SLITRK5: variants seen among roughly 807,000 people sequenced by gnomAD.
SLITRK5 encodes the protein SLIT and NTRK like family member 5.
In SLITRK5, 23 loss-of-function variants were observed where a neutral mutation model predicts 56.2. The observed-to-expected ratio is 0.41, with a 90% confidence interval of 0.29 to 0.58. The LOEUF (loss-of-function observed/expected upper bound fraction) is 0.58, where lower values mean the gene tolerates loss of function less well. Ranked by LOEUF, SLITRK5 falls within the 20% of genes least tolerant of loss-of-function variation. The pLI is 0.30. For synonymous variants in SLITRK5, 637 were observed against 531.8 expected, an observed-to-expected ratio of 1.20 and a Z score of -2.72; for missense variants, 1,289 against 1,226.6, an observed-to-expected ratio of 1.05 and a Z score of -0.76.
rs1877327318 is a variant in SLITRK5 at position 87,677,392 on chromosome 13, C to T, written c.2004C>T (p.Leu668=). 4 of 1,613,942 alleles carry T rather than the reference C, an allele frequency of 2.5e-6. No homozygotes were observed. The East Asian group carries it at 6.7e-5, about 27-fold the overall frequency. Residue 668 remains leucine, a synonymous_variant, in exon 2 of 2, where the codon CTC becomes CTT. Coordinates refer to ENST00000683689, the MANE Select transcript of SLITRK5 (RefSeq NM_001384609.1). This position sits in a 1 kb window ranked among gnomAD's most constrained non-coding sequence, Gnocchi z 4.7. The stretch of plus-strand genomic sequence containing the variant: ...CGGTGCCCTTGTCTGTGTTAATTCT[C>T]AGCCTCCTGCTGGTTTTCATCATGT... The part of the protein sequence containing the change: ...ASSVPLSVLI[L]SLLLVFIMSV...
chr13:87,674,043 C>G (rs1376468851), intron 1 of SLITRK5, among the ~76,000 whole-genome samples: 3 of 151,736 alleles, frequency 2.0e-5, no homozygotes, highest in Admixed American at 1.3e-4. Flanking sequence ...CACACACACG[C>G]TCATTCCATT....
chr13:87,678,055 C>G lies in SLITRK5; in HGVS notation c.2667C>G (p.Phe889Leu), dbSNP rs777163946. ...KFPCSPAAYTFSPNYDLRRPH... is the reference protein window; with the variant it reads ...KFPCSPAAYTLSPNYDLRRPH... ...CGTGCAGCCCCGCTGCTTACACTTT[C>G]TCCCCCAACTATGACCTGAGACGCC... Residue 889 changes from phenylalanine (F) to leucine (L), a missense_variant, in exon 2 of 2, where the codon TTC becomes TTG. Physicochemically the swap from Phe to Leu is conservative, Grantham distance 22. Around this residue, in one of 3 missense-constraint regions of SLITRK5, gnomAD observed 985 missense variants for 906.0 expected, o/e 1.09. Coordinates refer to ENST00000683689, the MANE Select transcript of SLITRK5 (RefSeq NM_001384609.1). 1 of 1,614,156 alleles carries G rather than the reference C, an allele frequency of 6.2e-7. No individual in the cohort carries two copies. The highest frequency in any genetic ancestry group is 2.2e-5 in the East Asian group (1 of 44,872).
At chr13:87,674,260 G>A (rs763807154) in intron 1 of SLITRK5, 23 of 349,030 alleles carry the variant, frequency 6.6e-5, no homozygotes, top group Non-Finnish European at 9.3e-5. Context: ...ATCAGCCCAG[G>A]CGTCCTTTCC....
rs923691056 is a variant in SLITRK5, at chr13:87,678,606, G to A, written c.*341G>A. 8.2e-6 allele frequency: 2 copies of A among 244,354 alleles called. No individual in the cohort carries two copies. Among genetic ancestry groups the A allele is most frequent in the Non-Finnish European group, 1.7e-5 (2 of 118,322 alleles). The allele number at this position is 244,354 out of a possible 1,614,324, so 15.1% of individuals were successfully genotyped here. A position where few individuals can be genotyped will look rare whatever the true frequency, so the allele number is the denominator to read the frequency against. ...GGAAGTGCTAAGAATGGTGGATGAT[G>A]GCAGAGCATAGATTCTACTCTTCCT... On this transcript the variant is annotated 3_prime_UTR_variant, in exon 2 of 2. Coordinates refer to ENST00000683689, the MANE Select transcript of SLITRK5 (RefSeq NM_001384609.1).
At position 87,672,144 on chromosome 13, in the gene SLITRK5, G is replaced by A. The variant is rs1464998372; in HGVS notation, c.-74G>A. On this transcript the variant is annotated 5_prime_UTR_variant, in exon 1 of 2. Transcript: ENST00000683689. ...AGGCCGGAGGGTGCGAGGAGCCAGAGGAGGCTGGAGGGGGCGGCGGCCACA... is the reference window on the plus strand; with the variant it reads ...AGGCCGGAGGGTGCGAGGAGCCAGAAGAGGCTGGAGGGGGCGGCGGCCACA... Among the ~76,000 whole-genome samples, 1 of 152,094 alleles carries A rather than the reference G, an allele frequency of 6.6e-6. No individual in the cohort carries two copies. The highest frequency in any genetic ancestry group is 1.5e-5 in the Non-Finnish European group (1 of 68,000).
In SLITRK5 at chr13:87,678,227, G is replaced by A; in HGVS notation, c.2839G>A (p.Glu947Lys). ...ACTAAACGTTGAGCCGGACTACCTC[G>A]AAGTGCTGGAAAAACAGACCACGTT... Reference protein sequence around the residue: ...AKLNVEPDYLEVLEKQTTFSQ... With the variant: ...AKLNVEPDYLKVLEKQTTFSQ... Residue 947 changes from glutamate (E) to lysine (K), a missense_variant, in exon 2 of 2, where the codon GAA (glutamate) becomes AAA (lysine). Physicochemically the swap from Glu to Lys is moderately conservative, Grantham distance 56. Transcript: ENST00000683689. 1 of 1,613,728 alleles carries A rather than the reference G, an allele frequency of 6.2e-7. No homozygotes were observed. Among genetic ancestry groups the A allele is most frequent in the Non-Finnish European group, 8.5e-7 (1 of 1,179,830 alleles).
chr13:87,675,735 T>C lies in SLITRK5; in HGVS notation c.347T>C (p.Val116Ala). 6.2e-7 allele frequency: 1 copy of C among 1,614,190 alleles called. No homozygotes were observed. The highest frequency in any genetic ancestry group is 8.5e-7 in the Non-Finnish European group (1 of 1,180,040). The change falls in exon 2 of 2, where the codon GTT becomes GCT. Residue 116 changes from valine (V) to alanine (A), a missense_variant. Coordinates refer to ENST00000683689, the MANE Select transcript of SLITRK5 (RefSeq NM_001384609.1). ...GASILHLGSN[V>A]IQDIETGAFH... ...TCAATTTTGCATCTAGGTAGCAATGTTATCCAGGACATTGAGACCGGGGCT... is the reference window on the plus strand; with the variant it reads ...TCAATTTTGCATCTAGGTAGCAATGCTATCCAGGACATTGAGACCGGGGCT...
chr13:87,674,517 G>T lies in SLITRK5; in HGVS notation c.-8-864G>T, dbSNP rs74641025. The T allele has an allele frequency of 1.4e-3, 602 of 424,654 alleles. 6 individuals carry two copies. The highest frequency in any genetic ancestry group is 0.013 in the African/African-American group (589 of 46,518). 26.3% of individuals were successfully genotyped at this position (424,654 alleles called of 1,614,324 possible). On this transcript the variant is annotated intron_variant, in intron 1 of 1. Coordinates refer to ENST00000683689, the MANE Select transcript of SLITRK5 (RefSeq NM_001384609.1). ...GTATTCGGAGATTGCGGATACCTTC[G>T]CTGAGTTCTTTGTAATCCATCGTGC...
chr13:87,674,956 AG>A (rs1191316255), intron 1 of SLITRK5, among the ~76,000 whole-genome samples: 1 of 86,792 alleles, frequency 1.2e-5, no homozygotes, highest in African/African-American at 4.5e-5. Flanking sequence ...GAAAGAAAGA[AG>A]GGGGGGTGGG....
Position 87,679,006 on chromosome 13 carries a change from T to C in SLITRK5, c.*741T>C, listed in dbSNP as rs1877424713. On this transcript the variant is annotated 3_prime_UTR_variant, in exon 2 of 2. Transcript: ENST00000683689. ...TTTTATTGTAGCACCTATTTTTATATGCACATTTAGCATTCCTCTTTCCTT... is the reference window on the plus strand; with the variant it reads ...TTTTATTGTAGCACCTATTTTTATACGCACATTTAGCATTCCTCTTTCCTT... 4 of 166,996 alleles carry C rather than the reference T, an allele frequency of 2.4e-5. No individual in the cohort carries two copies. In the South Asian group the frequency reaches 6.2e-4, roughly 26 times the overall value. The allele number at this position is 166,996 out of a possible 1,614,324, so 10.3% of individuals were successfully genotyped here. A position where few individuals can be genotyped will look rare whatever the true frequency, so the allele number is the denominator to read the frequency against.
Position 87,676,918 on chromosome 13 carries a change from A to G in SLITRK5, c.1530A>G (p.Leu510=). 1.2e-6 allele frequency: 2 copies of G among 1,614,082 alleles called. No homozygotes were observed. The highest frequency in any genetic ancestry group is 1.1e-5 in the South Asian group (1 of 91,076). ...TFDPVPNLQL[L]FLNNNLLQAM... The stretch of plus-strand genomic sequence containing the variant: ...ACCCGGTCCCAAACCTCCAGCTGCT[A>G]TTCTTGAATAACAACCTCCTGCAGG... The change falls in exon 2 of 2, where the codon CTA becomes CTG. Residue 510 remains leucine (L), a synonymous_variant. Coordinates refer to ENST00000683689, the MANE Select transcript of SLITRK5 (RefSeq NM_001384609.1).
chr13:87,673,377 C>T, intron 1 of SLITRK5: 1 of 392,416 alleles, frequency 2.5e-6, no homozygotes, highest in South Asian at 1.9e-5. Context: ...AGAGGAAGCT[C>T]TTCGACCCTT....
intron 1 of SLITRK5, chr13:87,673,712 T>A: frequency 2.3e-6 from 1 of 441,834 alleles, no homozygotes; most frequent in Non-Finnish European, 4.5e-6. Flanking sequence ...CACGTCTGGG[T>A]GGCCACACGT....
chr13:87,674,616 C>A (rs964564970), intron 1 of SLITRK5, among the ~76,000 whole-genome samples: 4 of 152,078 alleles, frequency 2.6e-5, no homozygotes, highest in African/African-American at 4.8e-5. Flanking sequence ...GGTCGCAGGG[C>A]GCTCTCCGGG....
chr13:87,678,060 C>A lies in SLITRK5; in HGVS notation c.2672C>A (p.Pro891His). The A allele has an allele frequency of 1.2e-6, 2 of 1,614,142 alleles. No homozygotes were observed. The highest frequency in any genetic ancestry group is 1.7e-6 in the Non-Finnish European group (2 of 1,179,970). Residue 891 changes from proline to histidine, a missense_variant, in exon 2 of 2, where the codon CCC becomes CAC. This residue lies in a region of SLITRK5 where 985 missense variants were observed against 906.0 expected (regional missense o/e 1.09). Coordinates refer to ENST00000683689, the MANE Select transcript of SLITRK5 (RefSeq NM_001384609.1). ...AGCCCCGCTGCTTACACTTTCTCCC[C>A]CAACTATGACCTGAGACGCCCCCAT... ...PCSPAAYTFSPNYDLRRPHQY... is the reference protein window; with the variant it reads ...PCSPAAYTFSHNYDLRRPHQY...
Position 87,672,133 on chromosome 13 carries a change from G to C in SLITRK5, c.-85G>C, listed in dbSNP as rs1172093008. ...GGCGCGAACCCAGGCCGGAGGGTGCGAGGAGCCAGAGGAGGCTGGAGGGGG... is the reference window on the plus strand; with the variant it reads ...GGCGCGAACCCAGGCCGGAGGGTGCCAGGAGCCAGAGGAGGCTGGAGGGGG... On this transcript the variant is annotated 5_prime_UTR_variant, in exon 1 of 2. Coordinates refer to ENST00000683689, the MANE Select transcript of SLITRK5 (RefSeq NM_001384609.1). Among the ~76,000 whole-genome samples, 1 of 152,038 alleles carries C rather than the reference G, an allele frequency of 6.6e-6. No individual in the cohort carries two copies. Among genetic ancestry groups the C allele is most frequent in the Admixed American group, 6.5e-5 (1 of 15,270 alleles).
At position 87,677,548 on chromosome 13, in the gene SLITRK5, C is replaced by A; in HGVS notation, c.2160C>A (p.Gly720=). 6.2e-7 allele frequency: 1 copy of A among 1,608,116 alleles called. No homozygotes were observed. Among genetic ancestry groups the A allele is most frequent in the Non-Finnish European group, 8.5e-7 (1 of 1,176,418 alleles). Residue 720 remains glycine, a synonymous_variant, in exon 2 of 2, where the codon GGC becomes GGA. Transcript: ENST00000683689. This position sits in a 1 kb window ranked among gnomAD's most constrained non-coding sequence, Gnocchi z 4.7. ...TGCAGTACAGCGTGTACGGCGGCGG[C>A]GGCGGCACGGGCGGCCACCCACACG... is the stretch of plus-strand genomic sequence containing the variant. ...FNMQYSVYGG[G]GGTGGHPHAH...
At chr13:87,672,908 T>TG (rs1877104360) in intron 1 of SLITRK5, 1 of 139,716 alleles carries the variant, frequency 7.2e-6, no homozygotes, top group Non-Finnish European at 1.5e-5. Flanking sequence ...TGTGTGTGTG[T>TG]CTATGTGGCG....
At chr13:87,675,090 G>A (rs1391170472) in intron 1 of SLITRK5, among the ~76,000 whole-genome samples, 1 of 151,178 alleles carries the variant, frequency 6.6e-6, no homozygotes, top group Non-Finnish European at 1.5e-5. Flanking sequence ...GAAAAGGGGG[G>A]GAGAAGAGAA....
Sources: gnomAD v4.1 joint callset for allele counts (sites outside exome capture counted in the v4.1 genomes callset) on GRCh38, gnomAD v4.1.1 for gene constraint, gnomAD v4.1.1 regional missense constraint, Gnocchi (gnomAD v3.1) non-coding constraint, MANE v1.5 for transcripts, NCBI Gene and HGNC (gene_info 2026-07-23, HGNC 2026-07-21) for gene names.